Variants in PITPNC1 observed in about 807,000 individuals in gnomAD.
PITPNC1 encodes phosphatidylinositol transfer protein cytoplasmic 1, also known as cytoplasmic phosphatidylinositol transfer protein 1.
Under a neutral mutation model 44.7 loss-of-function variants are expected in PITPNC1, and 18 were observed. The observed-to-expected ratio is 0.40, with a 90% CI of 0.28 to 0.60. PITPNC1 has a LOEUF of 0.60. PITPNC1 is among the 20% of genes least tolerant of loss of function. The probability of loss-of-function intolerance (pLI) is 0.39; values close to 1 mark genes in which losing one functional copy is unlikely to be tolerated. For synonymous variants in PITPNC1, 141 were observed against 149.6 expected (o/e 0.94, Z 0.42); for missense variants, 290 against 418.4 (o/e 0.69, Z 2.68).
intron 1 of PITPNC1, among the ~76,000 whole-genome samples, chr17:67,515,311 G>C (rs1323371449): frequency 6.6e-6 from 1 of 152,186 alleles, no homozygotes; most frequent in Non-Finnish European, 1.5e-5. Flanking sequence ...AATAGAAGGA[G>C]AACAGGGAAG....
intron 5 of PITPNC1, among the ~76,000 whole-genome samples, chr17:67,631,669 TATAA>T (rs964750641): frequency 1.3e-5 from 1 of 79,162 alleles, no homozygotes; most frequent in South Asian, 4.3e-4. Flanking sequence ...TATATATATA[TATAA>T]AATATATATT....
intron 1 of PITPNC1, among the ~76,000 whole-genome samples, chr17:67,521,503 G>T (rs2040324530): frequency 1.3e-5 from 2 of 152,010 alleles, no homozygotes; most frequent in African/African-American, 4.8e-5. Flanking sequence ...ATCGGATATT[G>T]GTTTTCATGG....
chr17:67,653,204 C>T (rs1258903108), intron 6 of PITPNC1, among the ~76,000 whole-genome samples: 1 of 152,088 alleles, frequency 6.6e-6, no homozygotes, highest in Non-Finnish European at 1.5e-5. Context: ...ATTGCTTGAA[C>T]CCAGGAGGTG....
chr17:67,622,253 T>C (rs2041840382), intron 5 of PITPNC1, among the ~76,000 whole-genome samples: 2 of 103,974 alleles, frequency 1.9e-5, no homozygotes, highest in African/African-American at 1.1e-4. Flanking sequence ...CGAGACTGCA[T>C]CTCAAAAAAA....
At chr17:67,524,121 A>G (rs920700573) in intron 1 of PITPNC1, among the ~76,000 whole-genome samples, 2 of 152,136 alleles carry the variant, frequency 1.3e-5, no homozygotes, top group Non-Finnish European at 2.9e-5. Flanking sequence ...AAATTTTCTA[A>G]TAGCCACATT....
intron 2 of PITPNC1, among the ~76,000 whole-genome samples, chr17:67,541,702 T>C (rs1455582501): frequency 6.6e-6 from 1 of 152,166 alleles, no homozygotes; most frequent in African/African-American, 2.4e-5. Flanking sequence ...ACTCAAGTGA[T>C]AGAAAGAATG....
At chr17:67,518,427 A>G (rs532398011) in intron 1 of PITPNC1, among the ~76,000 whole-genome samples, 1 of 147,432 alleles carries the variant, frequency 6.8e-6, no homozygotes, top group East Asian at 1.9e-4. Context: ...TCAGTGTTTA[A>G]TCAGGACCCT....
intron 1 of PITPNC1, among the ~76,000 whole-genome samples, chr17:67,452,787 C>T (rs2039201812): frequency 6.6e-6 from 1 of 152,186 alleles, no homozygotes; most frequent in Admixed American, 6.5e-5. Flanking sequence ...GGCCTGGCCA[C>T]TGGGTCTTAT....
At chr17:67,624,833 C>A (rs562589565) in intron 5 of PITPNC1, among the ~76,000 whole-genome samples, 5 of 152,176 alleles carry the variant, frequency 3.3e-5, no homozygotes, top group African/African-American at 1.2e-4. Flanking sequence ...CACCAAGATT[C>A]TTTTCTTAAG....
intron 1 of PITPNC1, among the ~76,000 whole-genome samples, chr17:67,505,035 T>C (rs1252775664): frequency 6.6e-6 from 1 of 152,236 alleles, no homozygotes; most frequent in African/African-American, 2.4e-5. Context: ...TCCACATATT[T>C]ATAAATTGCC....
intron 6 of PITPNC1, among the ~76,000 whole-genome samples, chr17:67,640,872 C>A (rs1458368760): frequency 6.6e-6 from 1 of 151,670 alleles, no homozygotes; most frequent in Non-Finnish European, 1.5e-5. Flanking sequence ...TGCCTGTAAC[C>A]CCAGCTACTC....
At chr17:67,393,963 G>T (rs149656529) in intron 1 of PITPNC1, among the ~76,000 whole-genome samples, 15 of 152,082 alleles carry the variant, frequency 9.9e-5, no homozygotes, top group African/African-American at 3.6e-4. Flanking sequence ...TCAGCCTCGC[G>T]AGTAGCTGAA....
intron 7 of PITPNC1, among the ~76,000 whole-genome samples, chr17:67,671,273 A>G (rs1278489193): frequency 1.3e-5 from 2 of 152,194 alleles, no homozygotes; most frequent in Non-Finnish European, 2.9e-5. Context: ...TCATGGGAGA[A>G]AAAAATGGGA....
At chr17:67,685,832 G>T (rs189091356) in intron 8 of PITPNC1, among the ~76,000 whole-genome samples, 63 of 151,896 alleles carry the variant, frequency 4.1e-4, no homozygotes, top group East Asian at 3.1e-3. Context: ...TTTTTGTTTG[G>T]TTGGTTGGTT....
intron 1 of PITPNC1, among the ~76,000 whole-genome samples, chr17:67,474,175 C>T (rs989551445): frequency 6.6e-6 from 1 of 152,118 alleles, no homozygotes; most frequent in African/African-American, 2.4e-5. Context: ...GAAGGAGATC[C>T]GGAGGTGGGG....
intron 5 of PITPNC1, among the ~76,000 whole-genome samples, chr17:67,578,916 A>T (rs1362588534): frequency 6.6e-6 from 1 of 152,214 alleles, no homozygotes; most frequent in Non-Finnish European, 1.5e-5. Flanking sequence ...TGGGAGGCAG[A>T]GGTTACAGTG....
At chr17:67,525,192 T>C (rs2040377355) in intron 1 of PITPNC1, 1 of 152,192 alleles carries the variant, frequency 6.6e-6, no homozygotes. Flanking sequence ...TGGCCACACA[T>C]AGCAAATAGC....
At chr17:67,421,903 G>A (rs186748503) in intron 1 of PITPNC1, among the ~76,000 whole-genome samples, 11 of 152,298 alleles carry the variant, frequency 7.2e-5, no homozygotes, top group African/African-American at 2.6e-4. Flanking sequence ...ACACAGCCAA[G>A]GCAATGAGAG....
At chr17:67,672,079 G>C (rs1467899502) in intron 7 of PITPNC1, among the ~76,000 whole-genome samples, 1 of 151,862 alleles carries the variant, frequency 6.6e-6, no homozygotes, top group Non-Finnish European at 1.5e-5. Flanking sequence ...AGGCACAGGT[G>C]CATGCCACCA....
Sources: allele counts gnomAD v4.1 joint callset (sites outside exome capture counted in the v4.1 genomes callset), GRCh38; gene constraint gnomAD v4.1.1; transcripts MANE v1.5; gene names NCBI Gene and HGNC (gene_info 2026-07-23, HGNC 2026-07-21).